LRRIQ1: variants seen among roughly 807,000 people sequenced by gnomAD.
The protein encoded by LRRIQ1 is leucine rich repeats and IQ motif containing 1, also known as leucine-rich repeat- and IQ domain-containing protein 1.
In LRRIQ1, 210 loss-of-function variants were observed where a neutral mutation model predicts 211.9. That is an observed-to-expected ratio of 0.99 (90% confidence interval 0.89 to 1.11). LRRIQ1 has a LOEUF of 1.11. LRRIQ1 is among the 50% of genes most tolerant of loss of function. The pLI, the probability that LRRIQ1 is intolerant of heterozygous loss-of-function variation, is 0.00. For missense variants in LRRIQ1, 2,136 were observed against 1,939.5 expected (o/e 1.10, Z -1.90); for synonymous variants, 699 against 650.1 (o/e 1.08, Z -1.14).
intron 24 of LRRIQ1, among the ~76,000 whole-genome samples, chr12:85,164,457 T>C (rs1891053049): frequency 6.6e-6 from 1 of 152,338 alleles, no homozygotes; most frequent in Admixed American, 6.5e-5. Flanking sequence ...ACATAGATTT[T>C]ATTTGTGAGA....
In LRRIQ1 at chr12:85,222,589, C is replaced by G. The variant is rs140633012; in HGVS notation, c.4823-6928C>G. Reference sequence around the variant, plus strand: ...AAAGGGTGTTGGGAGAAAGCCATAACGCAGATGGCAAGTAAGTCAACAGAG... The same window carrying G: ...AAAGGGTGTTGGGAGAAAGCCATAAGGCAGATGGCAAGTAAGTCAACAGAG... On this transcript the variant is annotated intron_variant, in intron 24 of 26. Transcript: ENST00000393217. 5.8e-3 allele frequency among the ~76,000 whole-genome samples: 875 copies of G among 152,172 alleles called. 6 individuals are homozygous for G. The highest frequency in any genetic ancestry group is 8.7e-3 in the Non-Finnish European group (591 of 68,006).
At chr12:85,078,188 C>A (rs79328723) in intron 11 of LRRIQ1, among the ~76,000 whole-genome samples, 4,176 of 152,064 alleles carry the variant, frequency 0.027, 189 homozygotes, top group African/African-American at 0.095. Flanking sequence ...CTCTCTGAAG[C>A]CTTATTTGGT....
At chr12:85,132,708 G>A (rs2136508675) in intron 18 of LRRIQ1, among the ~76,000 whole-genome samples, 1 of 152,034 alleles carries the variant, frequency 6.6e-6, no homozygotes, top group South Asian at 2.1e-4. Context: ...GCTACAGTGA[G>A]CCAGGATTGC....
chr12:85,210,321 G>A (rs926458730), intron 24 of LRRIQ1, among the ~76,000 whole-genome samples: 1 of 152,084 alleles, frequency 6.6e-6, no homozygotes, highest in African/African-American at 2.4e-5. Flanking sequence ...ATCATTTACA[G>A]CATATTTCTT....
intron 18 of LRRIQ1, among the ~76,000 whole-genome samples, chr12:85,135,539 A>T (rs1889064631): frequency 6.6e-6 from 1 of 151,956 alleles, no homozygotes; most frequent in South Asian, 2.1e-4. Context: ...TTAACTAGTT[A>T]TCCTAAGGTA....
intron 14 of LRRIQ1, among the ~76,000 whole-genome samples, chr12:85,104,548 A>G (rs1886633921): frequency 6.6e-6 from 1 of 151,962 alleles, no homozygotes; most frequent in African/African-American, 2.4e-5. Flanking sequence ...TAATTGGATC[A>G]AACAGTACAT....
At chr12:85,234,251 T>C (rs558259129) in intron 26 of LRRIQ1, among the ~76,000 whole-genome samples, 1 of 152,132 alleles carries the variant, frequency 6.6e-6, no homozygotes, top group African/African-American at 2.4e-5. Flanking sequence ...AACAAAAAAG[T>C]TATAATATTT....
chr12:85,236,845 A>C (rs559098400), intron 26 of LRRIQ1, among the ~76,000 whole-genome samples: 5 of 141,564 alleles, frequency 3.5e-5, no homozygotes, highest in East Asian at 2.7e-4. Context: ...ATATATATAT[A>C]TATATATATA....
At chr12:85,230,308 G>C (rs1593001679) in intron 25 of LRRIQ1, among the ~76,000 whole-genome samples, 1 of 152,290 alleles carries the variant, frequency 6.6e-6, no homozygotes, top group Non-Finnish European at 1.5e-5. Flanking sequence ...ATCTCACTCA[G>C]CTCCAGAGGC....
intron 19 of LRRIQ1, among the ~76,000 whole-genome samples, chr12:85,138,392 A>G (rs1466773214): frequency 6.6e-6 from 1 of 151,428 alleles, no homozygotes; most frequent in African/African-American, 2.4e-5. Flanking sequence ...TTTTCTCTGT[A>G]TTTTACAAAT....
intron 24 of LRRIQ1, among the ~76,000 whole-genome samples, chr12:85,220,183 A>G (rs1894332199): frequency 6.6e-6 from 1 of 152,168 alleles, no homozygotes; most frequent in South Asian, 2.1e-4. Context: ...ATGTCCTCCA[A>G]AAACTTTTGG....
At chr12:85,222,153 A>G (rs2137134512) in intron 24 of LRRIQ1, among the ~76,000 whole-genome samples, 1 of 152,324 alleles carries the variant, frequency 6.6e-6, no homozygotes, top group African/African-American at 2.4e-5. Context: ...AATAATAAAC[A>G]TGAGTTCAAT....
chr12:85,057,238 A>C (rs566935405), intron 8 of LRRIQ1, 54 bp downstream of exon 8: 20 of 1,207,272 alleles, frequency 1.7e-5, no homozygotes, highest in Non-Finnish European at 2.1e-5. Context: ...AGCTCTTTAA[A>C]GTATAACTTT....
chr12:85,138,505 G>A (rs1259152612), intron 19 of LRRIQ1, among the ~76,000 whole-genome samples: 1 of 151,234 alleles, frequency 6.6e-6, no homozygotes, highest in Non-Finnish European at 1.5e-5. Flanking sequence ...TGTATTTTTG[G>A]TGAGAATACA....
chr12:85,069,318 A>G (rs1046080109), intron 10 of LRRIQ1, among the ~76,000 whole-genome samples: 7 of 151,832 alleles, frequency 4.6e-5, no homozygotes, highest in African/African-American at 1.5e-4. Context: ...TATGTGCCAC[A>G]TTTTCTTAAT....
intron 24 of LRRIQ1, among the ~76,000 whole-genome samples, chr12:85,178,737 A>G (rs1002182744): frequency 6.6e-6 from 1 of 151,856 alleles, no homozygotes; most frequent in Non-Finnish European, 1.5e-5. Flanking sequence ...ATTCCTGTTC[A>G]TTAAATATAA....
chr12:85,135,489 A>G (rs925716313), intron 18 of LRRIQ1, among the ~76,000 whole-genome samples: 1 of 150,838 alleles, frequency 6.6e-6, no homozygotes, highest in African/African-American at 2.4e-5. Flanking sequence ...ACTATTCTTT[A>G]TTAACTAAAG....
intron 18 of LRRIQ1, among the ~76,000 whole-genome samples, chr12:85,128,403 C>A (rs948015469): frequency 3.3e-5 from 5 of 152,022 alleles, no homozygotes; most frequent in African/African-American, 1.2e-4. Flanking sequence ...AGTTTGAGAT[C>A]AGCCTGGCCC....
chr12:85,180,950 T>C (rs1263206788), intron 24 of LRRIQ1, among the ~76,000 whole-genome samples: 1 of 151,838 alleles, frequency 6.6e-6, no homozygotes, highest in Non-Finnish European at 1.5e-5. Flanking sequence ...ATACAAATAC[T>C]TGATAGATAC....
Sources: gnomAD v4.1 joint callset for allele counts (sites outside exome capture counted in the v4.1 genomes callset) on GRCh38, gnomAD v4.1.1 for gene constraint, MANE v1.5 for transcripts, NCBI Gene and HGNC (gene_info 2026-07-23, HGNC 2026-07-21) for gene names.